Variants in CCDC171 observed in about 807,000 individuals in gnomAD.
CCDC171 encodes coiled-coil domain containing 171.
Under a neutral mutation model 168.2 loss-of-function variants are expected in CCDC171, and 177 were observed. The observed-to-expected ratio is 1.05, with a 90% confidence interval of 0.93 to 1.19. CCDC171 has a LOEUF of 1.19. Ranked by LOEUF, CCDC171 falls within the 50% of genes most tolerant of loss-of-function variation. The pLI, the probability that CCDC171 is intolerant of heterozygous loss-of-function variation, is 0.00. For missense variants in CCDC171, 1,991 were observed against 1,539.0 expected, an observed-to-expected ratio of 1.29 and a Z score of -4.91; for synonymous variants, 687 against 540.8, an observed-to-expected ratio of 1.27 and a Z score of -3.75.
At chr9:15,819,344 T>A (rs554726352) in intron 21 of CCDC171, among the ~76,000 whole-genome samples, 1 of 117,016 alleles carries the variant, frequency 8.5e-6, no homozygotes, top group Admixed American at 8.0e-5. Flanking sequence ...CACATAACAA[T>A]ATTAACCTTA....
At chr9:15,883,352 G>A (rs1329647760) in intron 24 of CCDC171, among the ~76,000 whole-genome samples, 1 of 151,930 alleles carries the variant, frequency 6.6e-6, no homozygotes, top group Non-Finnish European at 1.5e-5. Context: ...TAGCCACCAT[G>A]GCTGGCTCTT....
chr9:15,800,677 A>AT (rs1201142345), intron 21 of CCDC171, among the ~76,000 whole-genome samples: 5 of 152,044 alleles, frequency 3.3e-5, no homozygotes, highest in Admixed American at 2.6e-4. Context: ...TTTCTTAAGA[A>AT]TTTTTTGCCC....
chr9:15,767,613 C>T (rs916452597), intron 18 of CCDC171, among the ~76,000 whole-genome samples: 1 of 151,708 alleles, frequency 6.6e-6, no homozygotes, highest in African/African-American at 2.4e-5. Context: ...CCACAGCATA[C>T]ATAGTTAAAA....
At chr9:15,945,627 C>A (rs1308599263) in intron 25 of CCDC171, among the ~76,000 whole-genome samples, 2 of 142,120 alleles carry the variant, frequency 1.4e-5, no homozygotes, top group Non-Finnish European at 3.1e-5. Context: ...GCTCTGATGG[C>A]CAGTGATGGT....
intron 11 of CCDC171, among the ~76,000 whole-genome samples, chr9:15,715,330 A>G (rs1446137210): frequency 6.6e-6 from 1 of 152,260 alleles, no homozygotes; most frequent in African/African-American, 2.4e-5. Flanking sequence ...CAAGATAATG[A>G]AAGATGTTTA....
Position 15,885,254 on chromosome 9 carries a change from G to T in CCDC171, c.3600+10591G>T, listed in dbSNP as rs1050111734. Among the ~76,000 whole-genome samples the T allele has an allele frequency of 1.4e-3, 215 of 152,128 alleles. 1 individual carries two copies. The highest frequency in any genetic ancestry group is 4.8e-3 in the African/African-American group (198 of 41,522). On this transcript the variant is annotated intron_variant, in intron 24 of 25. Coordinates refer to ENST00000380701, the MANE Select transcript of CCDC171 (RefSeq NM_173550.4). ...GTATCAAAGTACAGTACAGAATTTT[G>T]TTTTTTGTTACAACTCTGAGTTCTA...
In CCDC171 at chr9:15,681,638, A is replaced by G. The variant is rs143853555; in HGVS notation, c.1215+2742A>G. 2.8e-4 allele frequency among the ~76,000 whole-genome samples: 42 copies of G among 151,876 alleles called. No individual in the cohort carries two copies. The East Asian group carries it at 4.4e-3, about 16-fold the overall frequency. On this transcript the variant is annotated intron_variant, in intron 10 of 25. Coordinates refer to ENST00000380701, the MANE Select transcript of CCDC171 (RefSeq NM_173550.4). Reference sequence around the variant, plus strand: ...TCCTAAATATATTCTTTTCTTGTACATATTCCTTTATTGACTTTTCTCGGT... The same window carrying G: ...TCCTAAATATATTCTTTTCTTGTACGTATTCCTTTATTGACTTTTCTCGGT...
At chr9:15,686,223 T>TA (rs1487934665) in intron 10 of CCDC171, among the ~76,000 whole-genome samples, 1 of 152,182 alleles carries the variant, frequency 6.6e-6, no homozygotes, top group Non-Finnish European at 1.5e-5. Context: ...AATGGGGACT[T>TA]CAGTCAGCTG....
chr9:15,941,281 T>C (rs1827702669), intron 25 of CCDC171, among the ~76,000 whole-genome samples: 1 of 152,040 alleles, frequency 6.6e-6, no homozygotes, highest in South Asian at 2.1e-4. Context: ...CATAGAAAGT[T>C]AGTGTATTGG....
At chr9:15,640,174 G>A (rs2046493430) in intron 7 of CCDC171, among the ~76,000 whole-genome samples, 2 of 152,026 alleles carry the variant, frequency 1.3e-5, no homozygotes, top group South Asian at 4.1e-4. Flanking sequence ...TGTTTAATGG[G>A]ATTGAATATA....
chr9:15,637,040 G>C (rs2046253475), intron 7 of CCDC171, among the ~76,000 whole-genome samples: 1 of 152,212 alleles, frequency 6.6e-6, no homozygotes, highest in Non-Finnish European at 1.5e-5. Context: ...CCTATCACTT[G>C]AGGTCAGGAG....
intron 24 of CCDC171, among the ~76,000 whole-genome samples, chr9:15,878,141 A>G (rs1328430227): frequency 6.6e-6 from 1 of 152,196 alleles, no homozygotes; most frequent in East Asian, 1.9e-4. Context: ...GGATCAAATT[A>G]AATTTAAGAG....
chr9:15,874,557 G>T lies in CCDC171; in HGVS notation c.3494G>T (p.Trp1165Leu). The stretch of plus-strand genomic sequence containing the variant: ...GTCAGAGATCAGATCTCGCTGTCAT[G>T]GTCTGCGGCAAGTAGGAATGACTTC... ...HKVRDQISLSWSAASRNDFTL... is the reference protein window; with the variant it reads ...HKVRDQISLSLSAASRNDFTL... The change falls in exon 24 of 26, where the codon TGG (tryptophan) becomes TTG (leucine). Residue 1165 changes from tryptophan (W) to leucine (L), a missense_variant. By Grantham distance (61) the Trp-to-Leu change is moderately conservative. Coordinates refer to ENST00000380701, the MANE Select transcript of CCDC171 (RefSeq NM_173550.4). The T allele has an allele frequency of 1.2e-6, 2 of 1,606,736 alleles. No individual in the cohort carries two copies.
intron 1 of CCDC171, among the ~76,000 whole-genome samples, chr9:16,052,334 G>C (rs1288933605): frequency 6.6e-6 from 1 of 152,174 alleles, no homozygotes; most frequent in Non-Finnish European, 1.5e-5. Flanking sequence ...GCCTCACGCA[G>C]TCTGGCCTTC....
At position 15,778,995 on chromosome 9, in the gene CCDC171, A is replaced by G. The variant is rs2057503814; in HGVS notation, c.2926A>G (p.Ile976Val). ...TKSTASLQKQ[I>V]LGFTQRLHAA... is the part of the protein sequence containing the mutation. ...AAGCACAGCATCGTTGCAGAAGCAAATACTTGGATTTACACAAAGACTGCA... is the reference window on the plus strand; with the variant it reads ...AAGCACAGCATCGTTGCAGAAGCAAGTACTTGGATTTACACAAAGACTGCA... The change falls in exon 20 of 26, where the codon ATA becomes GTA. Residue 976 changes from isoleucine to valine, a missense_variant. Coordinates refer to ENST00000380701, the MANE Select transcript of CCDC171 (RefSeq NM_173550.4). 5.8e-6 allele frequency: 9 copies of G among 1,543,030 alleles called. No homozygotes were observed. The highest frequency in any genetic ancestry group is 7.8e-6 in the Non-Finnish European group (9 of 1,147,380).
chr9:15,884,876 C>T (rs998705130), intron 24 of CCDC171, among the ~76,000 whole-genome samples: 4 of 152,124 alleles, frequency 2.6e-5, no homozygotes, highest in African/African-American at 4.8e-5. Flanking sequence ...GAACGGTGAC[C>T]CAACTATATT....
chr9:15,554,113 G>A (rs189618513), intron 1 of CCDC171, among the ~76,000 whole-genome samples: 76 of 151,118 alleles, frequency 5.0e-4, no homozygotes, highest in East Asian at 3.9e-3. Flanking sequence ...TCCGCCTCCC[G>A]GGTTCACGCC....
chr9:15,990,534 C>T (rs539258010), intron 3 of CCDC171, among the ~76,000 whole-genome samples: 113 of 152,224 alleles, frequency 7.4e-4, no homozygotes, highest in Non-Finnish European at 1.4e-3. Flanking sequence ...GCAAAATGAC[C>T]AGCTAACATC....
chr9:15,590,783 T>TTCTTTCTCTTTCTTTCTTTC (rs1554693088), intron 4 of CCDC171, among the ~76,000 whole-genome samples: 8 of 114,222 alleles, frequency 7.0e-5, no homozygotes, highest in African/African-American at 1.8e-4. Context: ...CTTTCTTTCT[T>TTCTTTCTCTTTCTTTCTTTC]TCTTTCTTTC....
Sources: allele counts gnomAD v4.1 joint callset (sites outside exome capture counted in the v4.1 genomes callset), GRCh38; gene constraint gnomAD v4.1.1; transcripts MANE v1.5; gene names NCBI Gene and HGNC (gene_info 2026-07-23, HGNC 2026-07-21).